FRMPD4: variants seen among roughly 807,000 people sequenced by gnomAD.
The protein encoded by FRMPD4 is FERM and PDZ domain-containing protein 4.
A neutral mutation model predicts 94.1 loss-of-function variants in FRMPD4; 22 were observed. The observed-to-expected ratio is 0.23, with a 90% confidence interval of 0.17 to 0.33. The LOEUF (loss-of-function observed/expected upper bound fraction) is 0.33, where lower values mean the gene tolerates loss of function less well. Ranked by LOEUF, FRMPD4 falls within the 10% of genes least tolerant of loss-of-function variation. The probability of loss-of-function intolerance (pLI) is 1.00; values close to 1 mark genes in which losing one functional copy is unlikely to be tolerated. For synonymous variants in FRMPD4, 631 were observed against 548.6 expected (o/e 1.15, Z -2.10); for missense variants, 1,111 against 1,339.9 (o/e 0.83, Z 2.67).
intron 1 of FRMPD4, among the ~76,000 whole-genome samples, chrX:11,827,068 A>ATATATATATATAT (rs2053447440): frequency 1.0e-5 from 1 of 97,536 alleles, no homozygotes; most frequent in Admixed American, 1.1e-4. Flanking sequence ...GAAATTATAT[A>ATATATATATATAT]TATATATATA....
At chrX:12,120,037 C>T (rs1052879403) in intron 3 of FRMPD4, among the ~76,000 whole-genome samples, 5 of 112,110 alleles carry the variant, frequency 4.5e-5, no homozygotes, top group African/African-American at 1.6e-4. Context: ...TTGTGCTCTC[C>T]AAGGGATAGT....
Position 12,609,826 on chromosome X carries a change from A to T in FRMPD4, c.264A>T (p.Gly88=). 8.3e-7 allele frequency: 1 copy of T among 1,211,044 alleles called. No homozygotes were observed. The highest frequency in any genetic ancestry group is 1.1e-6 in the Non-Finnish European group (1 of 895,095). Residue 88 remains glycine, a synonymous_variant, in exon 3 of 17, where the codon GGA becomes GGT. Coordinates refer to ENST00000675598, the MANE Select transcript of FRMPD4 (RefSeq NM_001368397.1). The stretch of plus-strand genomic sequence containing the variant: ...AGATGAGAAGGGACCCCGTGCTGGG[A>T]TTTGGTTTTGTGGCAGGCAGTGAAA... ...KVEMRRDPVL[G]FGFVAGSEKP... is the part of the protein sequence containing the mutation.
intron 9 of FRMPD4, among the ~76,000 whole-genome samples, chrX:12,696,691 A>G (rs1330360370): frequency 9.0e-6 from 1 of 111,122 alleles, no homozygotes; most frequent in Non-Finnish European, 1.9e-5. Flanking sequence ...TGTAAGAAAA[A>G]TATAATAAAA....
intron 1 of FRMPD4, among the ~76,000 whole-genome samples, chrX:12,410,629 A>G (rs960423107): frequency 9.0e-6 from 1 of 111,690 alleles, no homozygotes; most frequent in African/African-American, 3.3e-5. Context: ...ACAGTCCTCT[A>G]AAATGCTCTT....
In FRMPD4 at chrX:12,507,358, T is replaced by C. The variant is rs7057726; in HGVS notation, c.158+8562T>C. Among the ~76,000 whole-genome samples the C allele has an allele frequency of 4.2e-3, 467 of 112,305 alleles. 5 individuals carry two copies. Among genetic ancestry groups the C allele is most frequent in the African/African-American group, 0.014 (449 of 30,981 alleles). On this transcript the variant is annotated intron_variant, in intron 2 of 16. Transcript: ENST00000675598. ...CTCTGTTGTGACTCAACAGTGCAAG[T>C]CTGCCATGGTAGTGTTAAAGCAGTC...
intron 2 of FRMPD4, among the ~76,000 whole-genome samples, chrX:12,587,189 C>G (rs983854998): frequency 1.8e-5 from 2 of 110,856 alleles, no homozygotes; most frequent in African/African-American, 6.6e-5. Context: ...ATTGGCCAGG[C>G]TGGTCTCGAA....
intron 3 of FRMPD4, among the ~76,000 whole-genome samples, chrX:11,961,894 C>G (rs945291953): frequency 1.1e-4 from 12 of 107,930 alleles, no homozygotes; most frequent in Non-Finnish European, 1.9e-4. Context: ...TTGAACAGAG[C>G]TTTAATGTTA....
At chrX:12,071,250 C>T (rs1296435224) in intron 3 of FRMPD4, among the ~76,000 whole-genome samples, 1 of 110,024 alleles carries the variant, frequency 9.1e-6, no homozygotes, top group African/African-American at 3.3e-5. Flanking sequence ...TTCCTTCTTC[C>T]TCCTATATGT....
chrX:12,267,408 G>A (rs1366758092), intron 1 of FRMPD4, among the ~76,000 whole-genome samples: 4 of 111,855 alleles, frequency 3.6e-5, no homozygotes, highest in African/African-American at 6.5e-5. Context: ...TCCAAATAGC[G>A]CCTTCTTTTT....
At chrX:12,440,440 G>A (rs2057122510) in intron 1 of FRMPD4, among the ~76,000 whole-genome samples, 1 of 111,785 alleles carries the variant, frequency 8.9e-6, no homozygotes, top group Admixed American at 9.5e-5. Flanking sequence ...CAAAACTTCA[G>A]GGAATTCCTA....
At chrX:11,922,570 A>G (rs929751033) in intron 3 of FRMPD4, among the ~76,000 whole-genome samples, 5 of 112,041 alleles carry the variant, frequency 4.5e-5, no homozygotes, top group Non-Finnish European at 9.4e-5. Flanking sequence ...CTTATATTGG[A>G]ACCACAAAAG....
chrX:12,147,639 C>T (rs912434021), intron 1 of FRMPD4, among the ~76,000 whole-genome samples: 10 of 111,711 alleles, frequency 9.0e-5, no homozygotes, highest in African/African-American at 2.9e-4. Context: ...TGGTATTAAA[C>T]CTCCTTGGTT....
intron 3 of FRMPD4, among the ~76,000 whole-genome samples, chrX:12,070,351 C>T (rs756526179): frequency 1.8e-5 from 2 of 111,063 alleles, no homozygotes; most frequent in South Asian, 7.6e-4. Flanking sequence ...GATTTTGATC[C>T]AAAAATTTAA....
chrX:12,038,335 T>C (rs2054731259), intron 3 of FRMPD4, among the ~76,000 whole-genome samples: 1 of 112,215 alleles, frequency 8.9e-6, no homozygotes, highest in Non-Finnish European at 1.9e-5. Flanking sequence ...TTCTAAGAGA[T>C]GTATAGTAAT....
intron 1 of FRMPD4, among the ~76,000 whole-genome samples, chrX:12,419,268 T>C (rs925213708): frequency 9.0e-6 from 1 of 111,411 alleles, no homozygotes; most frequent in Admixed American, 9.5e-5. Flanking sequence ...GGACAAAGCA[T>C]CCTGTCTCCT....
intron 1 of FRMPD4, among the ~76,000 whole-genome samples, chrX:12,221,248 C>A (rs1040165522): frequency 2.7e-5 from 3 of 112,086 alleles, no homozygotes; most frequent in African/African-American, 9.7e-5. Flanking sequence ...AGGTTGTTAC[C>A]ATCATCTTTA....
chrX:12,429,557 A>T (rs1387696189), intron 1 of FRMPD4, among the ~76,000 whole-genome samples: 2 of 111,222 alleles, frequency 1.8e-5, no homozygotes, highest in East Asian at 5.6e-4. Context: ...CTTTCTTTCC[A>T]TTCTTTCTGT....
intron 1 of FRMPD4, among the ~76,000 whole-genome samples, chrX:12,455,704 A>G (rs920908158): frequency 8.9e-6 from 1 of 111,934 alleles, no homozygotes; most frequent in Admixed American, 9.5e-5. Flanking sequence ...GCTTCCATCA[A>G]GGTGTCTAGA....
chrX:12,110,390 C>T (rs930141902), intron 3 of FRMPD4, among the ~76,000 whole-genome samples: 1 of 112,086 alleles, frequency 8.9e-6, no homozygotes, highest in African/African-American at 3.3e-5. Context: ...TAAAAACTCA[C>T]AATAAATTAG....
Sources: allele counts gnomAD v4.1 joint callset (sites outside exome capture counted in the v4.1 genomes callset), GRCh38; gene constraint gnomAD v4.1.1; transcripts MANE v1.5; gene names NCBI Gene and HGNC (gene_info 2026-07-23, HGNC 2026-07-21).